EXOC4: variants seen among roughly 807,000 people sequenced by gnomAD.
EXOC4 encodes SEC8-like 1.
EXOC4 carries 71 observed loss-of-function variants against 107.2 expected under a neutral mutation model. The observed-to-expected ratio is 0.66, with a 90% CI of 0.55 to 0.81. EXOC4 has a LOEUF of 0.81. EXOC4 is among the 30% of genes least tolerant of loss of function. EXOC4 has a pLI of 0.00. For missense variants in EXOC4, 1,108 were observed against 1,189.6 expected (o/e 0.93, Z 1.01); for synonymous variants, 456 against 441.2 (o/e 1.03, Z -0.42).
intron 9 of EXOC4, among the ~76,000 whole-genome samples, chr7:133,564,769 T>C (rs1469784066): frequency 2.6e-5 from 4 of 152,134 alleles, no homozygotes; most frequent in Non-Finnish European, 5.9e-5. Flanking sequence ...TGATATGTAA[T>C]ATGAGAGACA....
intron 9 of EXOC4, among the ~76,000 whole-genome samples, chr7:133,485,079 C>CAAAAA (rs1491252321): frequency 7.2e-5 from 2 of 27,846 alleles, no homozygotes; most frequent in African/African-American, 2.3e-4. Flanking sequence ...GACTCCGTCT[C>CAAAAA]AAAAAATAAA....
downstream of EXOC4, among the ~76,000 whole-genome samples, chr7:134,069,163 G>C (rs923008383): frequency 1.3e-5 from 2 of 152,044 alleles, no homozygotes; most frequent in African/African-American, 4.8e-5. Flanking sequence ...ACGATCCACT[G>C]TGCCCCACTA....
At chr7:133,280,708 T>A (rs1391926271) in intron 2 of EXOC4, among the ~76,000 whole-genome samples, 1 of 152,174 alleles carries the variant, frequency 6.6e-6, no homozygotes, top group Non-Finnish European at 1.5e-5. Context: ...TAATGAAACA[T>A]TCATTATTTG....
intron 7 of EXOC4, among the ~76,000 whole-genome samples, chr7:133,409,648 G>C (rs1417058927): frequency 1.3e-5 from 2 of 152,060 alleles, no homozygotes; most frequent in African/African-American, 4.8e-5. Flanking sequence ...ATTAACAATT[G>C]ACCTTATTCA....
intron 10 of EXOC4, among the ~76,000 whole-genome samples, chr7:133,672,943 A>C (rs1047054930): frequency 6.6e-6 from 1 of 152,206 alleles, no homozygotes; most frequent in African/African-American, 2.4e-5. Context: ...TTAGCCTTTA[A>C]AATTTTTTTT....
At chr7:133,301,059 C>T (rs183036331) in intron 3 of EXOC4, among the ~76,000 whole-genome samples, 118 of 152,290 alleles carry the variant, frequency 7.7e-4, no homozygotes, top group African/African-American at 2.6e-3. Context: ...AGACGTGAGT[C>T]GGAATCATTC....
intron 7 of EXOC4, among the ~76,000 whole-genome samples, chr7:133,409,637 T>C (rs896028995): frequency 2.6e-5 from 4 of 152,176 alleles, no homozygotes; most frequent in Non-Finnish European, 4.4e-5. Flanking sequence ...CTGTGGAAAA[T>C]ATTAACAATT....
intron 7 of EXOC4, among the ~76,000 whole-genome samples, chr7:133,396,775 C>G (rs558782085): frequency 8.0e-4 from 121 of 152,188 alleles, no homozygotes; most frequent in African/African-American, 2.7e-3. Flanking sequence ...CTTCCCACTT[C>G]GAACTGGAAA....
At chr7:133,991,345 A>G (rs1287465688) in intron 14 of EXOC4, among the ~76,000 whole-genome samples, 1 of 152,028 alleles carries the variant, frequency 6.6e-6, no homozygotes, top group Non-Finnish European at 1.5e-5. Context: ...TATTCTGGTT[A>G]TTCATCCCTT....
At chr7:133,490,869 A>G (rs577119439) in intron 9 of EXOC4, among the ~76,000 whole-genome samples, 1 of 152,370 alleles carries the variant, frequency 6.6e-6, no homozygotes, top group Middle Eastern at 3.4e-3. Context: ...ATTATTAAAA[A>G]TTCTATAGGA....
chr7:133,954,152 C>G (rs1470502986), intron 14 of EXOC4, among the ~76,000 whole-genome samples: 1 of 152,180 alleles, frequency 6.6e-6, no homozygotes, highest in Non-Finnish European at 1.5e-5. Flanking sequence ...TGGATTGACA[C>G]TATAAGCAAA....
chr7:133,689,286 A>G (rs567374264), intron 10 of EXOC4, among the ~76,000 whole-genome samples: 3 of 152,318 alleles, frequency 2.0e-5, no homozygotes, highest in African/African-American at 7.2e-5. Context: ...AAACCAGCCC[A>G]ACAGTGAGGG....
intron 7 of EXOC4, among the ~76,000 whole-genome samples, chr7:133,424,787 T>C (rs1295646193): frequency 1.3e-5 from 2 of 152,226 alleles, no homozygotes; most frequent in East Asian, 1.9e-4. Flanking sequence ...TTGTTTCTTA[T>C]ATTCTCTCAG....
At chr7:133,774,717 T>C (rs1340596946) in intron 10 of EXOC4, among the ~76,000 whole-genome samples, 6 of 152,164 alleles carry the variant, frequency 3.9e-5, no homozygotes, top group Admixed American at 3.9e-4. Flanking sequence ...TAGTTCTGAA[T>C]TCATATTTCC....
intron 3 of EXOC4, among the ~76,000 whole-genome samples, chr7:133,295,304 AATTCT>A (rs1371239327): frequency 7.9e-5 from 12 of 152,078 alleles, no homozygotes; most frequent in Admixed American, 7.9e-4. Flanking sequence ...CTCAGAAAGC[AATTCT>A]AGTCTTCTCT....
chr7:133,863,672 A>C (rs1798579525), intron 11 of EXOC4, among the ~76,000 whole-genome samples: 1 of 152,160 alleles, frequency 6.6e-6, no homozygotes, highest in African/African-American at 2.4e-5. Flanking sequence ...CTTACAATTT[A>C]TGCACTTTGC....
downstream of EXOC4, among the ~76,000 whole-genome samples, chr7:134,067,202 G>A (rs142661576): frequency 6.6e-6 from 1 of 150,472 alleles, no homozygotes; most frequent in Non-Finnish European, 1.5e-5. Flanking sequence ...TTACCAGAAG[G>A]GGTGCTGGAA....
At chr7:133,269,856 A>G (rs1279157779) in intron 1 of EXOC4, among the ~76,000 whole-genome samples, 1 of 152,202 alleles carries the variant, frequency 6.6e-6, no homozygotes. Flanking sequence ...CATATGGCCC[A>G]GGTTTGAGGT....
chr7:133,874,645 T>C (rs576349089), intron 11 of EXOC4, among the ~76,000 whole-genome samples: 1 of 152,332 alleles, frequency 6.6e-6, no homozygotes, highest in Admixed American at 6.5e-5. Flanking sequence ...GTAGGGAAAC[T>C]TGTCAGCAAA....
Sources: allele counts gnomAD v4.1 joint callset (sites outside exome capture counted in the v4.1 genomes callset), GRCh38; gene constraint gnomAD v4.1.1; transcripts MANE v1.5; gene names NCBI Gene and HGNC (gene_info 2026-07-23, HGNC 2026-07-21).